PARL: variants seen among roughly 807,000 people sequenced by gnomAD.
PARL encodes the protein presenilin associated rhomboid like, also known as presenilin-associated rhomboid-like protein, mitochondrial.
A neutral mutation model predicts 51.6 loss-of-function variants in PARL; 44 were observed. That is an observed-to-expected ratio of 0.85 (90% CI 0.67 to 1.10). PARL has a LOEUF of 1.10. PARL is among the 50% of genes least tolerant of loss of function. PARL has a pLI of 0.00. For missense variants in PARL, 441 were observed against 469.5 expected (o/e 0.94, Z 0.56); for synonymous variants, 172 against 164.0 (o/e 1.05, Z -0.37).
At chr3:183,853,416 T>C (rs1298991200) in intron 4 of PARL, among the ~76,000 whole-genome samples, 2 of 151,834 alleles carry the variant, frequency 1.3e-5, no homozygotes, top group East Asian at 1.9e-4. Context: ...GTACAAAAAT[T>C]AGCCAGGCGT....
At chr3:183,849,673 A>G (rs2108630689) in intron 4 of PARL, among the ~76,000 whole-genome samples, 1 of 151,290 alleles carries the variant, frequency 6.6e-6, no homozygotes, top group African/African-American at 2.5e-5. Context: ...AAAATAACAG[A>G]AAAATTAATA....
At chr3:183,876,610 T>TAAAAAAAAAAAAAAAAAAAAAAAAA (rs576376716) in intron 1 of PARL, among the ~76,000 whole-genome samples, 20 of 91,806 alleles carry the variant, frequency 2.2e-4, no homozygotes, top group South Asian at 3.9e-4. Context: ...ATACATTTTG[T>TAAAAAAAAAAAAAAAAAAAAAAAAA]AAAAAAAAAA....
At chr3:183,882,018 C>T (rs1200246360) in intron 1 of PARL, among the ~76,000 whole-genome samples, 1 of 151,146 alleles carries the variant, frequency 6.6e-6, no homozygotes. Flanking sequence ...CTGGCCAACA[C>T]AGCAAAACCC....
Position 183,884,869 on chromosome 3 carries a change from T to A in PARL, c.-23A>T, listed in dbSNP as rs767967020. ...CATCTTCCCAACCTCTGCCCCACCA[T>A]GGCCCGACCTTACCAACCCCAGCTG... On this transcript the variant is annotated 5_prime_UTR_variant, in exon 1 of 10. It removes an upstream start codon present in the reference 5' UTR. Coordinates refer to ENST00000317096, the MANE Select transcript of PARL (RefSeq NM_018622.7). The A allele has an allele frequency of 6.3e-7, 1 of 1,596,384 alleles. No homozygotes were observed. The highest frequency in any genetic ancestry group is 8.5e-7 in the Non-Finnish European group (1 of 1,179,320).
chr3:183,833,524 A>G lies in PARL; in HGVS notation c.996T>C (p.His332=), dbSNP rs1728195787. 3.7e-6 allele frequency: 6 copies of G among 1,613,562 alleles called. No individual in the cohort carries two copies. Among genetic ancestry groups the G allele is most frequent in the Non-Finnish European group, 5.1e-6 (6 of 1,179,414 alleles). ...GMILGWKFFD[H]AAHLGGALFG... is the part of the protein sequence containing the mutation. ...AAAGAGCTCCCCCAAGATGTGCCGC[A>G]TGATCAAAAAATTTCCATCCCAGGA... The change falls in exon 9 of 10, where the codon CAT becomes CAC. Residue 332 remains histidine, a synonymous_variant. Coordinates refer to ENST00000317096, the MANE Select transcript of PARL (RefSeq NM_018622.7).
chr3:183,837,900 C>T (rs1211601865), intron 7 of PARL, among the ~76,000 whole-genome samples: 6 of 152,164 alleles, frequency 3.9e-5, no homozygotes, highest in South Asian at 4.1e-4. Context: ...TCACTTGAGC[C>T]CAGGAGTTTG....
At chr3:183,830,491 C>G (rs1248205413) in intron 9 of PARL, among the ~76,000 whole-genome samples, 1 of 152,158 alleles carries the variant, frequency 6.6e-6, no homozygotes, top group Non-Finnish European at 1.5e-5. Flanking sequence ...CTCCTGAGGG[C>G]ACTGGGGGTA....
chr3:183,844,588 T>G, intron 4 of PARL: 1 of 414,540 alleles, frequency 2.4e-6, no homozygotes. Context: ...ATATTTTACT[T>G]CTTTAGAAGA....
In PARL at chr3:183,842,317, C is replaced by T. The variant is rs746488730; in HGVS notation, c.738G>A (p.Met246Ile). 6.2e-7 allele frequency: 1 copy of T among 1,612,684 alleles called. No homozygotes were observed. Among genetic ancestry groups the T allele is most frequent in the African/African-American group, 1.3e-5 (1 of 74,884 alleles). The change falls in exon 6 of 10, where the codon ATG becomes ATA. Residue 246 changes from methionine (M) to isoleucine (I), a missense_variant. By Grantham distance (10) the Met-to-Ile change is conservative. Coordinates refer to ENST00000317096, the MANE Select transcript of PARL (RefSeq NM_018622.7). ...TATTACCTGCAGATAGGTACACTGC[C>T]ATGAACTGCTCTTGACCCAGAATGT... is the stretch of plus-strand genomic sequence containing the variant. The part of the protein sequence containing the change: ...IVNILGQEQF[M>I]AVYLSAGVIS...
intron 9 of PARL, among the ~76,000 whole-genome samples, chr3:183,830,738 A>G (rs943463848): frequency 6.6e-6 from 1 of 152,158 alleles, no homozygotes; most frequent in Non-Finnish European, 1.5e-5. Flanking sequence ...AATGTTCTGA[A>G]TGTGTATGTT....
intron 1 of PARL, among the ~76,000 whole-genome samples, chr3:183,874,836 C>A (rs959662093): frequency 2.6e-5 from 4 of 152,188 alleles, no homozygotes; most frequent in Admixed American, 6.5e-5. Flanking sequence ...CTTTGGGAAG[C>A]TAAGGCAGGA....
intron 4 of PARL, among the ~76,000 whole-genome samples, chr3:183,854,730 GTTT>G (rs1349130456): frequency 8.1e-6 from 1 of 122,986 alleles, no homozygotes; most frequent in Non-Finnish European, 1.7e-5. Flanking sequence ...TATATTTCAT[GTTT>G]TTTTTTTTTA....
rs1727677265 is a variant in PARL, at chr3:183,829,580, T to C, written c.*18A>G. On this transcript the variant is annotated 3_prime_UTR_variant, in exon 10 of 10. Coordinates refer to ENST00000317096, the MANE Select transcript of PARL (RefSeq NM_018622.7). ...AGGCGGCAAGGACCAGATGCACCAC[T>C]ACTGTCCAATCCCAGTTTTACTTAG... 1.2e-6 allele frequency: 2 copies of C among 1,614,192 alleles called. No homozygotes were observed. The highest frequency in any genetic ancestry group is 4.5e-5 in the East Asian group (2 of 44,884).
At chr3:183,872,813 C>A (rs1733367229) in intron 1 of PARL, among the ~76,000 whole-genome samples, 1 of 152,124 alleles carries the variant, frequency 6.6e-6, no homozygotes, top group Non-Finnish European at 1.5e-5. Flanking sequence ...AAGCACACCC[C>A]CTTCTTTCTG....
intron 1 of PARL, among the ~76,000 whole-genome samples, chr3:183,880,857 T>C (rs1418953465): frequency 6.6e-6 from 1 of 152,122 alleles, no homozygotes; most frequent in African/African-American, 2.4e-5. Context: ...ACTCTCTCAC[T>C]CAGGCTGGAG....
rs201425309 is a variant in PARL at position 183,884,842 on chromosome 3, G to A, written c.5C>T (p.Ala2Val). Reference sequence around the variant, plus strand: ...GCCTCTCTGCGCCCAGCCTCGCCACGCCATCTTCCCAACCTCTGCCCCACC... The same window carrying A: ...GCCTCTCTGCGCCCAGCCTCGCCACACCATCTTCCCAACCTCTGCCCCACC... M[A>V]WRGWAQRGWG... The change falls in exon 1 of 10, where the codon GCG becomes GTG. Residue 2 changes from alanine (A) to valine (V), a missense_variant. Coordinates refer to ENST00000317096, the MANE Select transcript of PARL (RefSeq NM_018622.7). The A allele has an allele frequency of 2.1e-5, 33 of 1,597,236 alleles. No individual in the cohort carries two copies. The highest frequency in any genetic ancestry group is 2.2e-4 in the Middle Eastern group (1 of 4,500).
At chr3:183,870,994 T>C (rs1277855528) in intron 1 of PARL, among the ~76,000 whole-genome samples, 1 of 152,204 alleles carries the variant, frequency 6.6e-6, no homozygotes, top group East Asian at 1.9e-4. Flanking sequence ...AAAGCAGTTT[T>C]TTTAATACTT....
intron 1 of PARL, among the ~76,000 whole-genome samples, chr3:183,882,271 A>ATT (rs1175052065): frequency 2.0e-5 from 2 of 101,768 alleles, no homozygotes; most frequent in East Asian, 2.7e-4. Context: ...ATATATATTT[A>ATT]TATATATATA....
At chr3:183,835,010 G>C (rs1728404778) in intron 7 of PARL, among the ~76,000 whole-genome samples, 1 of 151,776 alleles carries the variant, frequency 6.6e-6, no homozygotes, top group Non-Finnish European at 1.5e-5. Flanking sequence ...AGTGAGCCGA[G>C]ATTGTCCCAC....
Sources: gnomAD v4.1 joint callset for allele counts (sites outside exome capture counted in the v4.1 genomes callset) on GRCh38, gnomAD v4.1.1 for gene constraint, MANE v1.5 for transcripts, NCBI Gene and HGNC (gene_info 2026-07-23, HGNC 2026-07-21) for gene names.